Variants in VWA8 observed in about 807,000 individuals in gnomAD.
VWA8 encodes the protein von Willebrand factor A domain-containing protein 8.
In VWA8, 221 loss-of-function variants were observed where a neutral mutation model predicts 241.5. The ratio of observed to expected loss-of-function variants is 0.91; its 90% CI spans 0.82 to 1.02. The LOEUF is 1.02. VWA8 is among the 50% of genes least tolerant of loss of function. The probability of loss-of-function intolerance (pLI) is 0.00; values close to 1 mark genes in which losing one functional copy is unlikely to be tolerated. For missense variants in VWA8, 2,322 were observed against 2,328.7 expected, an observed-to-expected ratio of 1.00 and a Z score of 0.06; for synonymous variants, 852 against 827.1, an observed-to-expected ratio of 1.03 and a Z score of -0.52.
intron 21 of VWA8, among the ~76,000 whole-genome samples, chr13:41,753,530 A>G (rs1327074773): frequency 6.6e-6 from 1 of 152,202 alleles, no homozygotes; most frequent in Non-Finnish European, 1.5e-5. Context: ...TTTTAAATGT[A>G]TACTTTCAAA....
rs150830680 is a variant in VWA8 at position 41,620,589 on chromosome 13, T to G, written c.4612-5505A>C. ...GGTGTTGATTTTAGATCTTTCCTGCTTTCTCTTGTGGGCATTTAGTGCTAT... is the reference window on the plus strand; with the variant it reads ...GGTGTTGATTTTAGATCTTTCCTGCGTTCTCTTGTGGGCATTTAGTGCTAT... On this transcript the variant is annotated intron_variant, in intron 37 of 44. Coordinates refer to ENST00000379310, the MANE Select transcript of VWA8 (RefSeq NM_015058.2). Among the ~76,000 whole-genome samples, 690 of 152,308 alleles carry G rather than the reference T, an allele frequency of 4.5e-3. 6 individuals are homozygous for G. The highest frequency in any genetic ancestry group is 0.016 in the African/African-American group (654 of 41,566).
intron 37 of VWA8, among the ~76,000 whole-genome samples, chr13:41,669,290 CTATA>C (rs1428179749): frequency 1.3e-5 from 2 of 152,188 alleles, no homozygotes; most frequent in Admixed American, 6.5e-5. Context: ...AACTTAATAA[CTATA>C]TATCCTCATT....
At position 41,611,719 on chromosome 13, in the gene VWA8, C is replaced by A. The variant is rs776821278; in HGVS notation, c.4734G>T (p.Thr1578=). The part of the protein sequence containing the change: ...TWAGGTGGRD[T]AGLGGKGGPY... ...GGCCTCCTTTGCCACCCAGGCCTGC[C>A]GTGTCTCTTCCCCCTGGAAGGAAAA... Residue 1578 remains threonine, a synonymous_variant, in exon 39 of 45, where the codon ACG becomes ACT. Transcript: ENST00000379310. 2 of 1,613,848 alleles carry A rather than the reference C, an allele frequency of 1.2e-6. No homozygotes were observed. Among genetic ancestry groups the A allele is most frequent in the South Asian group, 2.2e-5 (2 of 91,054 alleles).
chr13:41,947,179 T>C (rs1179550573), intron 2 of VWA8, among the ~76,000 whole-genome samples: 1 of 152,238 alleles, frequency 6.6e-6, no homozygotes, highest in South Asian at 2.1e-4. Context: ...AGACTCATAG[T>C]GACAGTCCTG....
intron 22 of VWA8, among the ~76,000 whole-genome samples, chr13:41,729,994 T>C (rs537427667): frequency 1.8e-4 from 27 of 151,798 alleles, no homozygotes; most frequent in Non-Finnish European, 3.1e-4. Context: ...CACCCAAGAG[T>C]AGGAGAGATG....
chr13:41,884,409 G>T (rs1874412919), intron 8 of VWA8, among the ~76,000 whole-genome samples: 1 of 152,084 alleles, frequency 6.6e-6, no homozygotes, highest in Admixed American at 6.5e-5. Context: ...CACCACGATT[G>T]TAAGTTTCCT....
chr13:41,683,527 C>T (rs1264338663), intron 35 of VWA8, among the ~76,000 whole-genome samples: 1 of 152,098 alleles, frequency 6.6e-6, no homozygotes, highest in African/African-American at 2.4e-5. Flanking sequence ...AGTGGTTACC[C>T]AACTGTTTGT....
chr13:41,793,809 C>T (rs1019656039), intron 17 of VWA8, among the ~76,000 whole-genome samples: 3 of 152,014 alleles, frequency 2.0e-5, no homozygotes, highest in Non-Finnish European at 4.4e-5. Flanking sequence ...AGCAAGACTC[C>T]ATCTCAAAAA....
chr13:41,656,864 T>A (rs6561010), intron 37 of VWA8, among the ~76,000 whole-genome samples: 5,939 of 152,116 alleles, frequency 0.039, 141 homozygotes, highest in South Asian at 0.077. Flanking sequence ...AAAATAAAAA[T>A]AAAAATCACA....
At chr13:41,906,769 C>A (rs1875739721) in intron 4 of VWA8, among the ~76,000 whole-genome samples, 1 of 152,058 alleles carries the variant, frequency 6.6e-6, no homozygotes, top group African/African-American at 2.4e-5. Flanking sequence ...TAAATATTGC[C>A]AAACTTTCTT....
chr13:41,925,650 T>C, intron 2 of VWA8: 1 of 175,438 alleles, frequency 5.7e-6, no homozygotes. Flanking sequence ...AAGCCAAAAC[T>C]GAGCAAGAAT....
chr13:41,640,375 T>C lies in VWA8; in HGVS notation c.4612-25291A>G, dbSNP rs551775263. Among the ~76,000 whole-genome samples, 135 of 152,328 alleles carry C rather than the reference T, an allele frequency of 8.9e-4. 1 individual carries two copies. The highest frequency in any genetic ancestry group is 3.1e-3 in the African/African-American group (128 of 41,582). ...TAGGCACCTCCTGGGAGTGATAAAA[T>C]TCTCCTGCTGGTAGACTTACATAAA... On this transcript the variant is annotated intron_variant, in intron 37 of 44. Coordinates refer to ENST00000379310, the MANE Select transcript of VWA8 (RefSeq NM_015058.2).
chr13:41,590,878 G>C, intron 40 of VWA8, 113 bp from the exon 41 acceptor site: 1 of 1,344,902 alleles, frequency 7.4e-7, no homozygotes, highest in Non-Finnish European at 1.0e-6. Context: ...GTAAGTGATG[G>C]TTCTGCATGA....
chr13:41,793,273 A>G (rs1869537520), intron 17 of VWA8, among the ~76,000 whole-genome samples: 1 of 152,178 alleles, frequency 6.6e-6, no homozygotes, highest in South Asian at 2.1e-4. Flanking sequence ...TCCTCAACTA[A>G]TAAGAAGATG....
At chr13:41,876,008 T>G (rs1400117957) in intron 9 of VWA8, among the ~76,000 whole-genome samples, 1 of 152,082 alleles carries the variant, frequency 6.6e-6, no homozygotes, top group Non-Finnish European at 1.5e-5. Context: ...CTTGAAATCA[T>G]CCTTAACTCT....
intron 43 of VWA8, among the ~76,000 whole-genome samples, chr13:41,573,301 C>A (rs1445102032): frequency 4.0e-5 from 6 of 149,602 alleles, no homozygotes; most frequent in Non-Finnish European, 3.0e-5. Context: ...GCCTGTGGTA[C>A]CAGCTACTTG....
At chr13:41,777,773 C>T (rs1024303049) in intron 20 of VWA8, among the ~76,000 whole-genome samples, 2 of 152,116 alleles carry the variant, frequency 1.3e-5, no homozygotes, top group Admixed American at 6.5e-5. Flanking sequence ...ACTTATAAGA[C>T]AGAATGTACA....
At chr13:41,614,839 G>T in intron 38 of VWA8, 137 bp downstream of exon 38, 1 of 850,790 alleles carries the variant, frequency 1.2e-6, no homozygotes, top group Non-Finnish European at 1.8e-6. Context: ...CAGAGGGCAA[G>T]ACAACAATCC....
intron 32 of VWA8, 22 bp from the exon 33 acceptor site, chr13:41,690,297 A>G: frequency 6.3e-7 from 1 of 1,588,814 alleles, no homozygotes; most frequent in Non-Finnish European, 8.6e-7. Flanking sequence ...CAAAACATCT[A>G]GCTTAAGTGA....
Sources: gnomAD v4.1 joint callset for allele counts (sites outside exome capture counted in the v4.1 genomes callset) on GRCh38, gnomAD v4.1.1 for gene constraint, MANE v1.5 for transcripts, NCBI Gene and HGNC (gene_info 2026-07-23, HGNC 2026-07-21) for gene names.